PTPRM: variants seen among roughly 807,000 people sequenced by gnomAD.
PTPRM encodes the protein receptor-type tyrosine-protein phosphatase mu.
Under a neutral mutation model 186.7 loss-of-function variants are expected in PTPRM, and 47 were observed. The ratio of observed to expected loss-of-function variants is 0.25; its 90% CI spans 0.20 to 0.32. The LOEUF (loss-of-function observed/expected upper bound fraction) is 0.32. Among genes scored for constraint, PTPRM ranks in the 10% least tolerant of loss-of-function variants. The pLI is 1.00. For missense variants in PTPRM, 1,494 were observed against 1,865.0 expected (o/e 0.80, Z 3.66); for synonymous variants, 668 against 674.9 (o/e 0.99, Z 0.16).
intron 11 of PTPRM, among the ~76,000 whole-genome samples, chr18:8,090,114 G>C (rs750790212): frequency 2.6e-5 from 4 of 152,144 alleles, no homozygotes; most frequent in Admixed American, 1.3e-4. Context: ...AGGCCCTCTG[G>C]GTTGATTCCT....
At chr18:7,674,532 G>A (rs893551643) in intron 1 of PTPRM, among the ~76,000 whole-genome samples, 3 of 152,164 alleles carry the variant, frequency 2.0e-5, no homozygotes, top group African/African-American at 7.2e-5. Context: ...CTTTCATGGA[G>A]AAGGAGGGAG....
At chr18:8,201,640 T>A (rs1266049611) in intron 14 of PTPRM, among the ~76,000 whole-genome samples, 1 of 152,162 alleles carries the variant, frequency 6.6e-6, no homozygotes, top group Non-Finnish European at 1.5e-5. Flanking sequence ...TGCTGAGGGC[T>A]CTCTCCCTGG....
chr18:7,801,157 T>A (rs1176457828), intron 2 of PTPRM, among the ~76,000 whole-genome samples: 1 of 152,198 alleles, frequency 6.6e-6, no homozygotes, highest in Admixed American at 6.5e-5. Context: ...CCTACTGTAC[T>A]GTTATTTTAT....
chr18:7,674,280 G>A (rs2039284965), intron 1 of PTPRM, among the ~76,000 whole-genome samples: 1 of 152,176 alleles, frequency 6.6e-6, no homozygotes, highest in African/African-American at 2.4e-5. Context: ...AAAGGGAGCT[G>A]AATTTGAAAA....
chr18:7,610,913 T>C (rs2143848229), intron 1 of PTPRM, among the ~76,000 whole-genome samples: 1 of 152,276 alleles, frequency 6.6e-6, no homozygotes, highest in South Asian at 2.1e-4. Flanking sequence ...GAAGGCGTTG[T>C]TATTCTGGGA....
intron 14 of PTPRM, among the ~76,000 whole-genome samples, chr18:8,196,878 T>G (rs2093785842): frequency 6.6e-6 from 1 of 152,172 alleles, no homozygotes; most frequent in South Asian, 2.1e-4. Flanking sequence ...AAGTGCGTGG[T>G]GGGATGTCTA....
chr18:7,799,913 A>T (rs2043865261), intron 2 of PTPRM, among the ~76,000 whole-genome samples: 1 of 152,214 alleles, frequency 6.6e-6, no homozygotes, highest in Non-Finnish European at 1.5e-5. Flanking sequence ...ATCATTAAAT[A>T]ATGGTATTTA....
chr18:8,240,818 GA>G (rs2094424543), intron 14 of PTPRM, among the ~76,000 whole-genome samples: 1 of 32,770 alleles, frequency 3.1e-5, no homozygotes, highest in African/African-American at 1.8e-4. Context: ...GAGAGAGAGA[GA>G]GAGAGAGAAA....
intron 14 of PTPRM, among the ~76,000 whole-genome samples, chr18:8,157,115 C>T (rs1032419900): frequency 7.2e-5 from 11 of 152,254 alleles, no homozygotes; most frequent in African/African-American, 2.4e-4. Context: ...TATGCCCACA[C>T]CTTGGTTCCG....
At chr18:7,959,301 C>T (rs1361148390) in intron 7 of PTPRM, among the ~76,000 whole-genome samples, 1 of 152,196 alleles carries the variant, frequency 6.6e-6, no homozygotes, top group Non-Finnish European at 1.5e-5. Context: ...AATCTAAAAT[C>T]TGAGAACCAT....
intron 4 of PTPRM, among the ~76,000 whole-genome samples, chr18:7,911,423 A>G (rs1274815634): frequency 6.6e-6 from 1 of 152,222 alleles, no homozygotes; most frequent in African/African-American, 2.4e-5. Context: ...AAAAAATCAT[A>G]GCCATCCTTG....
intron 23 of PTPRM, among the ~76,000 whole-genome samples, chr18:8,353,978 G>A (rs1048438483): frequency 5.3e-5 from 8 of 152,236 alleles, no homozygotes; most frequent in Admixed American, 1.3e-4. Flanking sequence ...TTGGGAGGCC[G>A]AGGCAGGTGG....
chr18:7,587,699 A>T (rs1178385643), intron 1 of PTPRM, among the ~76,000 whole-genome samples: 1 of 152,162 alleles, frequency 6.6e-6, no homozygotes, highest in Non-Finnish European at 1.5e-5. Context: ...TAGTTTCAAT[A>T]TACTTTAGCC....
chr18:7,989,841 G>T (rs549456751), intron 7 of PTPRM, among the ~76,000 whole-genome samples: 6 of 152,152 alleles, frequency 3.9e-5, no homozygotes, highest in Middle Eastern at 3.4e-3. Flanking sequence ...CGCTTCTTTT[G>T]TGAAGCTCTT....
At chr18:7,910,213 G>A (rs747738936) in intron 4 of PTPRM, among the ~76,000 whole-genome samples, 43 of 152,064 alleles carry the variant, frequency 2.8e-4, no homozygotes, top group African/African-American at 5.1e-4. Flanking sequence ...GTATGTACCC[G>A]CGACCATAGT....
intron 1 of PTPRM, among the ~76,000 whole-genome samples, chr18:7,599,790 T>C (rs1333975520): frequency 1.3e-5 from 2 of 152,180 alleles, no homozygotes; most frequent in Non-Finnish European, 2.9e-5. Flanking sequence ...GTTCTTGGCC[T>C]CCCTTCTTGT....
At chr18:7,929,093 T>C (rs1226163438) in intron 5 of PTPRM, among the ~76,000 whole-genome samples, 1 of 152,102 alleles carries the variant, frequency 6.6e-6, no homozygotes, top group Non-Finnish European at 1.5e-5. Context: ...TGGTCTAGGG[T>C]GGGGCCCAGC....
chr18:8,276,470 G>A (rs1174720440), intron 19 of PTPRM, among the ~76,000 whole-genome samples: 1 of 152,154 alleles, frequency 6.6e-6, no homozygotes, highest in Admixed American at 6.5e-5. Flanking sequence ...ACCAGGTAGT[G>A]GACTTCCTCG....
rs567297262 is a variant in PTPRM, at chr18:7,711,078, C to A, written c.74-63071C>A. ...TAGTAACAGCTCCAGTCTGCAGCTC[C>A]CAGTGAGATCAATGCAGAAGGCGGG... is the stretch of plus-strand genomic sequence containing the variant. On this transcript the variant is annotated intron_variant, in intron 1 of 32. Transcript: ENST00000580170. Among the ~76,000 whole-genome samples, 212 of 152,224 alleles carry A rather than the reference C, an allele frequency of 1.4e-3. No homozygotes were observed. In the Middle Eastern group the frequency reaches 0.02, roughly 15 times the overall value.
Sources: allele counts gnomAD v4.1 joint callset (sites outside exome capture counted in the v4.1 genomes callset), GRCh38; gene constraint gnomAD v4.1.1; transcripts MANE v1.5; gene names NCBI Gene and HGNC (gene_info 2026-07-23, HGNC 2026-07-21).